Variants in SRPK2 observed in about 807,000 individuals in gnomAD.
SRPK2 encodes SRSF protein kinase 2.
In SRPK2, 21 loss-of-function variants were observed where a neutral mutation model predicts 90.8. The observed-to-expected ratio is 0.23, with a 90% CI of 0.16 to 0.33. The LOEUF (loss-of-function observed/expected upper bound fraction) is 0.33. SRPK2 is among the 10% of genes least tolerant of loss of function. The pLI is 1.00. For synonymous variants in SRPK2, 288 were observed against 311.1 expected (o/e 0.93, Z 0.78); for missense variants, 620 against 869.0 (o/e 0.71, Z 3.60).
intron 2 of SRPK2, among the ~76,000 whole-genome samples, chr7:105,247,515 A>AACACGC (rs1380143242): frequency 5.4e-5 from 5 of 92,580 alleles, no homozygotes; most frequent in African/African-American, 2.0e-4. Context: ...CATACCAAAA[A>AACACGC]ACACACACAC....
chr7:105,228,012 A>C (rs1329186300), intron 2 of SRPK2, among the ~76,000 whole-genome samples: 1 of 152,148 alleles, frequency 6.6e-6, no homozygotes, highest in East Asian at 1.9e-4. Flanking sequence ...GAAGATTTTA[A>C]TAACAAATAT....
chr7:105,199,893 AT>A (rs1294314273), intron 3 of SRPK2, among the ~76,000 whole-genome samples: 25 of 59,752 alleles, frequency 4.2e-4, no homozygotes, highest in South Asian at 3.4e-3. Flanking sequence ...TTATTGTTTA[AT>A]TTAAAAAAAA....
chr7:105,170,270 G>A (rs964398483), intron 3 of SRPK2, among the ~76,000 whole-genome samples: 1 of 152,102 alleles, frequency 6.6e-6, no homozygotes, highest in Non-Finnish European at 1.5e-5. Flanking sequence ...GTATAATTCT[G>A]CATACATTAA....
rs376008461 is a variant in SRPK2, at chr7:105,286,666, C to A, written c.72-82881G>T. On this transcript the variant is annotated intron_variant, in intron 2 of 15. Transcript: ENST00000393651. ...TCTGATGCACAGCCAGTATTGAGAT[C>A]ACTGGTTTTACTTACACTGGCACTC... 1.2e-4 allele frequency among the ~76,000 whole-genome samples: 19 copies of A among 152,284 alleles called. No individual in the cohort carries two copies. In the East Asian group the frequency reaches 3.7e-3, roughly 29 times the overall value.
At chr7:105,330,168 T>C (rs1279291016) in intron 2 of SRPK2, among the ~76,000 whole-genome samples, 1 of 151,884 alleles carries the variant, frequency 6.6e-6, no homozygotes, top group African/African-American at 2.4e-5. Context: ...TGAAACCCCA[T>C]CTCTACTAAA....
At chr7:105,137,634 C>T (rs1803059450) in intron 11 of SRPK2, among the ~76,000 whole-genome samples, 1 of 152,200 alleles carries the variant, frequency 6.6e-6, no homozygotes, top group South Asian at 2.1e-4. Flanking sequence ...AAGATACACA[C>T]TAAGGCTCTG....
rs550730731 is a variant in SRPK2, at chr7:105,146,446, G to A, written c.787+47C>T. 3.2e-6 allele frequency: 5 copies of A among 1,580,876 alleles called. No homozygotes were observed. The African/African-American group carries it at 5.4e-5, about 17-fold the overall frequency. On this transcript the variant is annotated intron_variant, in intron 8 of 15. Coordinates refer to ENST00000393651, the MANE Select transcript of SRPK2 (RefSeq NM_182692.3). ...ACCTTCAACAACTGCAACTTTGCAAGCTCCCAATGCCCCCACACTGAAATG... is the reference window on the plus strand; with the variant it reads ...ACCTTCAACAACTGCAACTTTGCAAACTCCCAATGCCCCCACACTGAAATG...
intron 2 of SRPK2, among the ~76,000 whole-genome samples, chr7:105,290,466 C>T (rs1005669343): frequency 1.3e-5 from 2 of 152,060 alleles, no homozygotes; most frequent in Non-Finnish European, 2.9e-5. Flanking sequence ...CCACTGCACT[C>T]AGGTGTGGAT....
In SRPK2 at chr7:105,278,464, C is replaced by T. The variant is rs574184801; in HGVS notation, c.72-74679G>A. ...CAAGGCTGGTGGATGACCTGAGGTC[C>T]GCAGTTCGAGACCAGCCTGGCCAAC... is the stretch of plus-strand genomic sequence containing the variant. On this transcript the variant is annotated intron_variant, in intron 2 of 15. Coordinates refer to ENST00000393651, the MANE Select transcript of SRPK2 (RefSeq NM_182692.3). 4.0e-5 allele frequency among the ~76,000 whole-genome samples: 6 copies of T among 148,532 alleles called. No individual in the cohort carries two copies. In the South Asian group the frequency reaches 8.6e-4, roughly 21 times the overall value.
intron 2 of SRPK2, among the ~76,000 whole-genome samples, chr7:105,238,744 G>A (rs1001443055): frequency 1.9e-5 from 1 of 53,980 alleles, no homozygotes; most frequent in Non-Finnish European, 5.2e-5. Context: ...AATAATTTCT[G>A]AAAATTTGTT....
At chr7:105,243,955 A>T (rs1169994942) in intron 2 of SRPK2, among the ~76,000 whole-genome samples, 1 of 152,146 alleles carries the variant, frequency 6.6e-6, no homozygotes, top group African/African-American at 2.4e-5. Context: ...TGGAGTCCCA[A>T]CTCTGCCATT....
chr7:105,263,641 TCA>T (rs1804636035), intron 2 of SRPK2, among the ~76,000 whole-genome samples: 1 of 152,026 alleles, frequency 6.6e-6, no homozygotes, highest in Non-Finnish European at 1.5e-5. Context: ...CCCAAATGAA[TCA>T]CAGACTTAAA....
At position 105,301,075 on chromosome 7, in the gene SRPK2, T is replaced by C. The variant is rs959174063; in HGVS notation, c.71+87573A>G. On this transcript the variant is annotated intron_variant, in intron 2 of 15. Coordinates refer to ENST00000393651, the MANE Select transcript of SRPK2 (RefSeq NM_182692.3). ...ATAAAGACACATGCACATGTATGTT[T>C]ATTGCGGCATTATTCACAATAGCAA... Among the ~76,000 whole-genome samples, 48 of 152,178 alleles carry C rather than the reference T, an allele frequency of 3.2e-4. 1 individual carries two copies. The highest frequency in any genetic ancestry group is 1.1e-3 in the African/African-American group (47 of 41,436).
At position 105,117,911 on chromosome 7, in the gene SRPK2, G is replaced by C. The variant is rs1303772703; in HGVS notation, c.2027C>G (p.Pro676Arg). 6.2e-7 allele frequency: 1 copy of C among 1,613,892 alleles called. No homozygotes were observed. Among genetic ancestry groups the C allele is most frequent in the Non-Finnish European group, 8.5e-7 (1 of 1,180,028 alleles). Reference sequence around the variant, plus strand: ...TTTTTCTGGAACCATTTCTAACATCGGGATCAGGAAATCTGTAAACTGTGC... The same window carrying C: ...TTTTTCTGGAACCATTTCTAACATCCGGATCAGGAAATCTGTAAACTGTGC... ...DAAQFTDFLI[P>R]MLEMVPEKRA... Residue 676 changes from proline to arginine, a missense_variant, in exon 16 of 16, where the codon CCG becomes CGG. By Grantham distance (103) the Pro-to-Arg change is moderately radical (BLOSUM62 -2). Transcript: ENST00000393651.
chr7:105,242,081 T>C (rs1800884145), intron 2 of SRPK2, among the ~76,000 whole-genome samples: 1 of 152,248 alleles, frequency 6.6e-6, no homozygotes, highest in Non-Finnish European at 1.5e-5. Context: ...CATTATCAGC[T>C]GGTTGACGGC....
At chr7:105,367,547 G>C (rs1384882775) in intron 2 of SRPK2, among the ~76,000 whole-genome samples, 2 of 152,102 alleles carry the variant, frequency 1.3e-5, no homozygotes, top group Admixed American at 6.6e-5. Flanking sequence ...ACTGGCATGA[G>C]TGACCACACC....
intron 1 of SRPK2, 38 bp downstream of exon 1, chr7:105,388,753 C>A: frequency 6.5e-7 from 1 of 1,541,848 alleles, no homozygotes; most frequent in Non-Finnish European, 8.7e-7. Flanking sequence ...CCCGGGCTGG[C>A]CGCGTGGCGG....
In SRPK2 at chr7:105,142,625, G is replaced by C. The variant is rs185993632; in HGVS notation, c.1061-135C>G. 2.9e-5 allele frequency: 36 copies of C among 1,220,872 alleles called. No homozygotes were observed. In the East Asian group the frequency reaches 8.4e-4, roughly 28 times the overall value. The allele number at this position is 1,220,872 out of a possible 1,614,324, so 75.6% of individuals were successfully genotyped here. A position where few individuals can be genotyped will look rare whatever the true frequency, so the allele number is the denominator to read the frequency against. ...CCTGGTAAACACCTCTTGGCTTTTG[G>C]GGTAAAACCTTCAGGTTTTCTAAAT... On this transcript the variant is annotated intron_variant, in intron 10 of 15. Transcript: ENST00000393651.
At chr7:105,273,686 A>AT (rs1486304322) in intron 2 of SRPK2, among the ~76,000 whole-genome samples, 1 of 152,086 alleles carries the variant, frequency 6.6e-6, no homozygotes, top group Non-Finnish European at 1.5e-5. Flanking sequence ...CTGTATTTGC[A>AT]TTACCAAATT....
Sources: allele counts gnomAD v4.1 joint callset (sites outside exome capture counted in the v4.1 genomes callset), GRCh38; gene constraint gnomAD v4.1.1; transcripts MANE v1.5; gene names NCBI Gene and HGNC (gene_info 2026-07-23, HGNC 2026-07-21).